The following SLC30A8 variants were observed in gnomAD, a reference collection of about 807,000 sequenced individuals.
The protein encoded by SLC30A8 is proton-coupled zinc antiporter SLC30A8.
SLC30A8 carries 27 observed loss-of-function variants against 36.9 expected under a neutral mutation model. The ratio of observed to expected loss-of-function variants is 0.73; its 90% CI spans 0.54 to 1.01. The LOEUF is 1.01. Ranked by LOEUF, SLC30A8 falls within the 50% of genes least tolerant of loss-of-function variation. The pLI, the probability that SLC30A8 is intolerant of heterozygous loss-of-function variation, is 0.00. For missense variants in SLC30A8, 439 were observed against 452.0 expected (o/e 0.97, Z 0.26); for synonymous variants, 164 against 172.4 (o/e 0.95, Z 0.38).
intron 4 of SLC30A8, among the ~76,000 whole-genome samples, chr8:117,158,867 C>A (rs1337498672): frequency 6.6e-6 from 1 of 152,184 alleles, no homozygotes; most frequent in Non-Finnish European, 1.5e-5. Context: ...AACATCCTAA[C>A]CCCTGGAACT....
intron 1 of SLC30A8, among the ~76,000 whole-genome samples, chr8:116,969,102 C>T (rs1814697810): frequency 1.3e-5 from 2 of 152,054 alleles, no homozygotes; most frequent in Non-Finnish European, 2.9e-5. Flanking sequence ...GGGTTTGTAT[C>T]CCACCTCCAG....
chr8:116,994,024 G>A (rs1815733502), intron 1 of SLC30A8, among the ~76,000 whole-genome samples: 1 of 149,902 alleles, frequency 6.7e-6, no homozygotes, highest in African/African-American at 2.5e-5. Context: ...TAAAAATCTT[G>A]CTACAAACAA....
intron 2 of SLC30A8, chr8:117,128,691 C>G (rs531800209): frequency 6.6e-6 from 1 of 151,950 alleles, no homozygotes; most frequent in South Asian, 2.1e-4. Flanking sequence ...ATTGGTAGTA[C>G]AATTTATTTA....
At chr8:116,997,228 T>A (rs1447662239) in intron 1 of SLC30A8, among the ~76,000 whole-genome samples, 2 of 152,138 alleles carry the variant, frequency 1.3e-5, no homozygotes, top group Non-Finnish European at 2.9e-5. Context: ...GGTTACAAAA[T>A]GAGGAACTGC....
chr8:116,978,459 A>AAAAATGTCATAAAAC (rs1554620519), intron 1 of SLC30A8, among the ~76,000 whole-genome samples: 1 of 151,878 alleles, frequency 6.6e-6, no homozygotes, highest in Non-Finnish European at 1.5e-5. Context: ...TTGATGCTTT[A>AAAAATGTCATAAAAC]TATAGTCTTT....
chr8:117,000,799 G>A (rs142681972), intron 1 of SLC30A8, among the ~76,000 whole-genome samples: 1 of 152,166 alleles, frequency 6.6e-6, no homozygotes, highest in African/African-American at 2.4e-5. Context: ...CACGGTGGCT[G>A]TGTGAACTTG....
intron 4 of SLC30A8, among the ~76,000 whole-genome samples, chr8:117,158,269 T>C (rs979396621): frequency 1.3e-5 from 2 of 152,200 alleles, no homozygotes; most frequent in African/African-American, 4.8e-5. Flanking sequence ...TGCTGATGGT[T>C]CCACATGGGG....
intron 2 of SLC30A8, among the ~76,000 whole-genome samples, chr8:117,075,192 A>T (rs2130804327): frequency 6.6e-6 from 1 of 152,190 alleles, no homozygotes; most frequent in Admixed American, 6.5e-5. Context: ...CAAACATAGT[A>T]AACAAGCTTG....
At chr8:117,171,714 A>G (rs1167448611) in intron 7 of SLC30A8, among the ~76,000 whole-genome samples, 1 of 152,126 alleles carries the variant, frequency 6.6e-6, no homozygotes, top group Non-Finnish European at 1.5e-5. Flanking sequence ...TTTATACTAA[A>G]ATTACTTTTT....
intron 1 of SLC30A8, among the ~76,000 whole-genome samples, chr8:116,965,442 G>T (rs762472550): frequency 6.6e-6 from 1 of 152,212 alleles, no homozygotes; most frequent in Non-Finnish European, 1.5e-5. Context: ...GTTCCTCCAA[G>T]TCAAGACATA....
At chr8:117,033,833 A>G (rs1325441127) in intron 1 of SLC30A8, among the ~76,000 whole-genome samples, 2 of 152,196 alleles carry the variant, frequency 1.3e-5, no homozygotes, top group Admixed American at 6.5e-5. Flanking sequence ...GTCTTCAGAA[A>G]ACAACATGGT....
chr8:117,020,316 A>G (rs1816659237), intron 1 of SLC30A8, among the ~76,000 whole-genome samples: 1 of 152,238 alleles, frequency 6.6e-6, no homozygotes. Flanking sequence ...AGACAAATAT[A>G]AACTAAATTA....
At chr8:117,007,507 C>G (rs1452824817) in intron 1 of SLC30A8, among the ~76,000 whole-genome samples, 1 of 152,188 alleles carries the variant, frequency 6.6e-6, no homozygotes, top group African/African-American at 2.4e-5. Flanking sequence ...TTTTAGTATT[C>G]CTTCAGCCAA....
intron 1 of SLC30A8, among the ~76,000 whole-genome samples, chr8:117,004,290 TAA>T (rs1816103224): frequency 6.6e-6 from 1 of 152,270 alleles, no homozygotes; most frequent in Non-Finnish European, 1.5e-5. Flanking sequence ...TATTGTAGAA[TAA>T]AGTTAGCCAC....
chr8:116,963,072 A>C (rs1814482914), intron 1 of SLC30A8, among the ~76,000 whole-genome samples: 1 of 152,042 alleles, frequency 6.6e-6, no homozygotes, highest in Admixed American at 6.6e-5. Flanking sequence ...GGAAGAGGTC[A>C]GGAAAGACTT....
chr8:117,089,980 AT>A lies in SLC30A8; in HGVS notation c.-225-45289del, dbSNP rs35697541. Among the ~76,000 whole-genome samples, 175 of 148,850 alleles carry A rather than the reference AT, an allele frequency of 1.2e-3. 1 individual carries two copies. The East Asian group carries it at 0.025, about 21-fold the overall frequency. On this transcript the variant is annotated intron_variant, in intron 2 of 10. Transcript: ENST00000427715. ...GAAACAATCTTGATAATTCCTAATA[AT>A]TTTTTTTTTTAGACACATTCTCACT...
At chr8:117,160,080 A>C (rs1822698323) in intron 4 of SLC30A8, among the ~76,000 whole-genome samples, 2 of 152,218 alleles carry the variant, frequency 1.3e-5, no homozygotes, top group African/African-American at 4.8e-5. Flanking sequence ...CAGGTTTCAA[A>C]TGCTGCTAGA....
At chr8:117,105,283 A>G (rs987270691) in intron 2 of SLC30A8, among the ~76,000 whole-genome samples, 2 of 152,126 alleles carry the variant, frequency 1.3e-5, no homozygotes, top group Non-Finnish European at 2.9e-5. Context: ...AGATTTTTCT[A>G]TCATGCACCT....
chr8:116,990,195 C>A (rs1345807425), intron 1 of SLC30A8, among the ~76,000 whole-genome samples: 1 of 151,864 alleles, frequency 6.6e-6, no homozygotes, highest in Non-Finnish European at 1.5e-5. Flanking sequence ...GGATTTTTTT[C>A]CCATTTTCCT....
Sources: gnomAD v4.1 joint callset for allele counts (sites outside exome capture counted in the v4.1 genomes callset) on GRCh38, gnomAD v4.1.1 for gene constraint, MANE v1.5 for transcripts, NCBI Gene and HGNC (gene_info 2026-07-23, HGNC 2026-07-21) for gene names.